KAZN: variants seen among roughly 807,000 people sequenced by gnomAD.
KAZN encodes the protein kazrin, periplakin interacting protein, also known as kazrin.
Under a neutral mutation model 87.4 loss-of-function variants are expected in KAZN, and 40 were observed. That is an observed-to-expected ratio of 0.46 (90% CI 0.36 to 0.60). The LOEUF (loss-of-function observed/expected upper bound fraction) is 0.60. Ranked by LOEUF, KAZN falls within the 20% of genes least tolerant of loss-of-function variation. KAZN has a pLI of 0.00. For missense variants in KAZN, 898 were observed against 1,073.9 expected, an observed-to-expected ratio of 0.84 and a Z score of 2.29; for synonymous variants, 466 against 458.3, an observed-to-expected ratio of 1.02 and a Z score of -0.22.
At chr1:14,993,485 C>A (rs10927623) in intron 2 of KAZN, among the ~76,000 whole-genome samples, 44,856 of 151,428 alleles carry the variant, frequency 0.3, 8,552 homozygotes, top group African/African-American at 0.55. Context: ...AAAAAATAAT[C>A]ATCATCATCA....
intron 2 of KAZN, among the ~76,000 whole-genome samples, chr1:14,388,532 C>G (rs916504505): frequency 3.3e-5 from 5 of 151,866 alleles, no homozygotes; most frequent in African/African-American, 1.2e-4. Flanking sequence ...AACAGAGAAC[C>G]CAGAGATAAA....
At chr1:14,346,511 T>TA (rs1658120576) in intron 2 of KAZN, among the ~76,000 whole-genome samples, 2 of 152,058 alleles carry the variant, frequency 1.3e-5, no homozygotes, top group African/African-American at 4.8e-5. Context: ...AGGAGGTAGA[T>TA]AGAGAGTGGT....
At chr1:14,233,216 C>T (rs963280078) in intron 2 of KAZN, among the ~76,000 whole-genome samples, 7 of 152,152 alleles carry the variant, frequency 4.6e-5, no homozygotes, top group Non-Finnish European at 8.8e-5. Flanking sequence ...ACTGCAGCCT[C>T]GGTTTCCTGC....
chr1:14,125,137 G>T (rs765065571), intron 1 of KAZN, among the ~76,000 whole-genome samples: 8 of 152,098 alleles, frequency 5.3e-5, no homozygotes, highest in Non-Finnish European at 8.8e-5. Context: ...TGACATTTGG[G>T]GCTGGATAAT....
At chr1:15,003,632 G>T (rs1488109163) in intron 2 of KAZN, among the ~76,000 whole-genome samples, 1 of 152,188 alleles carries the variant, frequency 6.6e-6, no homozygotes, top group Admixed American at 6.5e-5. Flanking sequence ...TGTTTTTCAG[G>T]CAGTGTTCTT....
intron 3 of KAZN, among the ~76,000 whole-genome samples, chr1:15,042,136 G>A (rs1300639935): frequency 6.6e-6 from 1 of 152,208 alleles, no homozygotes; most frequent in African/African-American, 2.4e-5. Flanking sequence ...GTGAGTAGTA[G>A]TGTGAACCAG....
At position 15,114,481 on chromosome 1, in the gene KAZN, GGAA is replaced by G; in HGVS notation, c.2177_2179del (p.Lys726del). On this transcript the variant is annotated inframe_deletion, in exon 15 of 15. Coordinates refer to ENST00000376030, the MANE Select transcript of KAZN (RefSeq NM_201628.3). ...TTCTTCTCTTCTCAGCTGCCCCTGG[GGAA>G]GATAGGAAGGGGCTTCAGCAGCAAA... The G allele has an allele frequency of 1.2e-6, 2 of 1,610,386 alleles. No individual in the cohort carries two copies. The highest frequency in any genetic ancestry group is 1.7e-6 in the Non-Finnish European group (2 of 1,178,094).
chr1:14,283,434 T>C (rs918515535), intron 2 of KAZN, among the ~76,000 whole-genome samples: 1 of 152,066 alleles, frequency 6.6e-6, no homozygotes, highest in African/African-American at 2.4e-5. Flanking sequence ...GGGGAAAGGA[T>C]CCAAACAGAC....
chr1:14,477,667 C>T (rs1462347547), intron 2 of KAZN, among the ~76,000 whole-genome samples: 5 of 152,176 alleles, frequency 3.3e-5, no homozygotes, highest in South Asian at 2.1e-4. Flanking sequence ...CCGTAGCAGA[C>T]GAATAGTCAC....
chr1:14,258,390 A>ATTTTTTTTTTTTTT (rs760768355), intron 2 of KAZN, among the ~76,000 whole-genome samples: 14 of 125,526 alleles, frequency 1.1e-4, no homozygotes, highest in African/African-American at 4.0e-4. Context: ...TAAATTTTGT[A>ATTTTTTTTTTTTTT]TTTTTTTTTT....
At chr1:14,538,399 G>A (rs1337429086) in intron 2 of KAZN, among the ~76,000 whole-genome samples, 1 of 152,240 alleles carries the variant, frequency 6.6e-6, no homozygotes, top group South Asian at 2.1e-4. Context: ...CCCAAGACTG[G>A]GTAATTTATA....
intron 1 of KAZN, among the ~76,000 whole-genome samples, chr1:14,104,526 A>T (rs1373079738): frequency 1.3e-5 from 2 of 152,234 alleles, no homozygotes; most frequent in Non-Finnish European, 2.9e-5. Flanking sequence ...AGGGAGCATC[A>T]CATCTTCCAA....
chr1:14,839,720 A>C (rs1647714308), intron 1 of KAZN, among the ~76,000 whole-genome samples: 1 of 152,008 alleles, frequency 6.6e-6, no homozygotes, highest in Non-Finnish European at 1.5e-5. Flanking sequence ...AAGAACGGGG[A>C]CTATTTTTCT....
chr1:14,624,986 T>G (rs1436058629), intron 1 of KAZN, among the ~76,000 whole-genome samples: 1 of 151,948 alleles, frequency 6.6e-6, no homozygotes, highest in Non-Finnish European at 1.5e-5. Flanking sequence ...GATGTCTGGT[T>G]TTTAAAATTA....
At position 14,629,487 on chromosome 1, in the gene KAZN, G is replaced by C. The variant is rs530483613; in HGVS notation, c.226+30264G>C. On this transcript the variant is annotated intron_variant, in intron 1 of 14. Coordinates refer to ENST00000376030, the MANE Select transcript of KAZN (RefSeq NM_201628.3). ...GATGCTCATGATGGAAAACCTCGCAGGCTGCGAGCACCCCAGCACGGCCCA... is the reference window on the plus strand; with the variant it reads ...GATGCTCATGATGGAAAACCTCGCACGCTGCGAGCACCCCAGCACGGCCCA... Among the ~76,000 whole-genome samples the C allele has an allele frequency of 9.2e-5, 14 of 152,320 alleles. No homozygotes were observed. The East Asian group carries it at 2.3e-3, about 25-fold the overall frequency.
chr1:15,045,481 A>G (rs1418921441), intron 4 of KAZN, among the ~76,000 whole-genome samples: 3 of 152,216 alleles, frequency 2.0e-5, no homozygotes, highest in Non-Finnish European at 4.4e-5. Context: ...AAATCCATGT[A>G]TAACTTTTGA....
intron 4 of KAZN, among the ~76,000 whole-genome samples, chr1:15,044,941 T>C (rs1673323802): frequency 6.6e-6 from 1 of 152,268 alleles, no homozygotes; most frequent in East Asian, 1.9e-4. Context: ...AGGAAACAAA[T>C]AATTTTTTCC....
At chr1:14,739,234 A>C (rs1644011868) in intron 1 of KAZN, among the ~76,000 whole-genome samples, 1 of 152,158 alleles carries the variant, frequency 6.6e-6, no homozygotes, top group African/African-American at 2.4e-5. Context: ...TGTTCTTTTT[A>C]ATCGATGCTG....
At chr1:14,568,338 A>G (rs1437505542) in intron 2 of KAZN, among the ~76,000 whole-genome samples, 1 of 152,194 alleles carries the variant, frequency 6.6e-6, no homozygotes, top group Non-Finnish European at 1.5e-5. Context: ...AGAGGAGAAC[A>G]TAGCTGTATT....
Sources: allele counts gnomAD v4.1 joint callset (sites outside exome capture counted in the v4.1 genomes callset), GRCh38; gene constraint gnomAD v4.1.1; transcripts MANE v1.5; gene names NCBI Gene and HGNC (gene_info 2026-07-23, HGNC 2026-07-21).